BABAM2: variants seen among roughly 807,000 people sequenced by gnomAD.
BABAM2 encodes the protein BRISC and BRCA1-A complex member 2.
A neutral mutation model predicts 54.7 loss-of-function variants in BABAM2; 31 were observed. The ratio of observed to expected loss-of-function variants is 0.57; its 90% CI spans 0.43 to 0.77. The LOEUF (loss-of-function observed/expected upper bound fraction) is 0.77. Among genes scored for constraint, BABAM2 ranks in the 30% least tolerant of loss-of-function variants. The pLI, the probability that BABAM2 is intolerant of heterozygous loss-of-function variation, is 0.00. For synonymous variants in BABAM2, 167 were observed against 162.9 expected (o/e 1.03, Z -0.19); for missense variants, 364 against 455.8 (o/e 0.80, Z 1.83).
intron 7 of BABAM2, among the ~76,000 whole-genome samples, chr2:28,204,695 C>T (rs145588965): frequency 6.0e-4 from 92 of 152,170 alleles, no homozygotes; most frequent in African/African-American, 2.1e-3. Flanking sequence ...TTTAGCCAAC[C>T]TTTATTGAAT....
chr2:27,911,068 C>T (rs922717144), intron 2 of BABAM2, among the ~76,000 whole-genome samples: 2 of 152,258 alleles, frequency 1.3e-5, no homozygotes, highest in South Asian at 2.1e-4. Flanking sequence ...GCTGCCACCA[C>T]GTGAAGAAGG....
intron 10 of BABAM2, 103 bp from the exon 11 acceptor site, chr2:28,298,235 G>A: frequency 1.6e-6 from 2 of 1,240,950 alleles, no homozygotes; most frequent in Middle Eastern, 2.0e-4. Flanking sequence ...AGTATTTGTG[G>A]TTCAAATAGA....
intron 2 of BABAM2, among the ~76,000 whole-genome samples, chr2:27,907,409 A>G (rs1270717587): frequency 6.6e-6 from 1 of 151,888 alleles, no homozygotes; most frequent in Non-Finnish European, 1.5e-5. Flanking sequence ...ATTTTTTTTC[A>G]TCTGTGGACT....
chr2:28,300,250 A>T (rs897233282), intron 11 of BABAM2, among the ~76,000 whole-genome samples: 1 of 152,106 alleles, frequency 6.6e-6, no homozygotes, highest in Non-Finnish European at 1.5e-5. Flanking sequence ...GAGATTCTTA[A>T]ATAATGTCAG....
intron 3 of BABAM2, among the ~76,000 whole-genome samples, chr2:27,938,387 A>AAC (rs1668638237): frequency 6.6e-6 from 1 of 151,972 alleles, no homozygotes; most frequent in South Asian, 2.1e-4. Flanking sequence ...CAAACAGAAA[A>AAC]GGTCTTTGCC....
chr2:28,016,405 T>G (rs866480169), intron 4 of BABAM2: 2 of 1,408,296 alleles, frequency 1.4e-6, no homozygotes, highest in Admixed American at 1.7e-5. Context: ...TTTTTGGCCC[T>G]GAAGACTGGA....
chr2:28,110,715 A>G (rs1313298818), intron 6 of BABAM2, among the ~76,000 whole-genome samples: 6 of 152,148 alleles, frequency 3.9e-5, no homozygotes, highest in Admixed American at 3.9e-4. Flanking sequence ...ATTTTGGAGT[A>G]TCTATTCAGA....
At chr2:27,903,684 C>T (rs1665983193) in intron 2 of BABAM2, among the ~76,000 whole-genome samples, 1 of 152,118 alleles carries the variant, frequency 6.6e-6, no homozygotes, top group Non-Finnish European at 1.5e-5. Context: ...TGGTGTCTTC[C>T]ACCCACAAAT....
At chr2:28,267,268 G>A (rs960200144) in intron 10 of BABAM2, among the ~76,000 whole-genome samples, 1 of 152,074 alleles carries the variant, frequency 6.6e-6, no homozygotes, top group Non-Finnish European at 1.5e-5. Context: ...CAACAACCAG[G>A]ATAGGATACT....
At chr2:28,210,119 A>G (rs1224726612) in intron 7 of BABAM2, among the ~76,000 whole-genome samples, 1 of 152,084 alleles carries the variant, frequency 6.6e-6, no homozygotes, top group African/African-American at 2.4e-5. Context: ...CTTCCCTTAA[A>G]TCTTTTCATC....
chr2:28,185,605 G>T lies in BABAM2; in HGVS notation c.681-51597G>T, dbSNP rs114868597. Among the ~76,000 whole-genome samples, 1,209 of 152,134 alleles carry T rather than the reference G, an allele frequency of 7.9e-3. 9 individuals carry two copies. Among genetic ancestry groups the T allele is most frequent in the Admixed American group, 0.014 (210 of 15,276 alleles). On this transcript the variant is annotated intron_variant, in intron 7 of 11. Coordinates refer to ENST00000379624, the MANE Select transcript of BABAM2 (RefSeq NM_199191.3). ...ATTTTTTTGTATAAGTAATCCCCTT[G>T]GCCAGCGTCAGTGCATGAGATCTTA...
Position 28,236,823 on chromosome 2 carries a change from A to C in BABAM2, c.681-379A>C, listed in dbSNP as rs377358820. Among the ~76,000 whole-genome samples, 284 of 152,294 alleles carry C rather than the reference A, an allele frequency of 1.9e-3. 3 individuals are homozygous for C. Among genetic ancestry groups the C allele is most frequent in the African/African-American group, 6.6e-3 (273 of 41,568 alleles). On this transcript the variant is annotated intron_variant, in intron 7 of 11. Transcript: ENST00000379624. ...TAGAACTAGAGTGTTGCAGCAATTC[A>C]TTTTAGTTCAGTTTCAATGTTTAAT...
intron 1 of BABAM2, among the ~76,000 whole-genome samples, chr2:27,893,475 C>T (rs1665025581): frequency 6.6e-6 from 1 of 152,162 alleles, no homozygotes; most frequent in Non-Finnish European, 1.5e-5. Context: ...ATCTATTCCC[C>T]TACCAAATTC....
At chr2:28,108,403 G>C (rs910891911) in intron 6 of BABAM2, among the ~76,000 whole-genome samples, 1 of 152,074 alleles carries the variant, frequency 6.6e-6, no homozygotes, top group Non-Finnish European at 1.5e-5. Flanking sequence ...TTTATGCATC[G>C]TGAAATGTCA....
intron 3 of BABAM2, among the ~76,000 whole-genome samples, chr2:27,941,589 A>G (rs114496961): frequency 6.6e-6 from 1 of 152,160 alleles, no homozygotes; most frequent in African/African-American, 2.4e-5. Context: ...GTTGTTTATC[A>G]TCTGAGAGGA....
chr2:27,912,133 T>C (rs1212840326), intron 2 of BABAM2, among the ~76,000 whole-genome samples: 1 of 152,084 alleles, frequency 6.6e-6, no homozygotes, highest in Non-Finnish European at 1.5e-5. Flanking sequence ...ATTACTAGGG[T>C]ATGGAAAGGG....
At chr2:28,130,287 A>T (rs1379305768) in intron 7 of BABAM2, among the ~76,000 whole-genome samples, 1 of 152,166 alleles carries the variant, frequency 6.6e-6, no homozygotes, top group Non-Finnish European at 1.5e-5. Flanking sequence ...TAGTTGCTCT[A>T]ATTTATAAAT....
Position 28,298,481 on chromosome 2 carries a change from A to C in BABAM2, c.1078A>C (p.Lys360Gln). 1.9e-6 allele frequency: 3 copies of C among 1,614,150 alleles called. No individual in the cohort carries two copies. The highest frequency in any genetic ancestry group is 2.5e-6 in the Non-Finnish European group (3 of 1,180,008). Residue 360 changes from lysine to glutamine, a missense_variant, in exon 11 of 12, where the codon AAA (lysine) becomes CAA (glutamine). Physicochemically the swap from Lys to Gln is moderately conservative, Grantham distance 53. Transcript: ENST00000379624. ...CAGATGGGATGGAAATGAAATGGCC[A>C]AAAGAGCAAAGTAAGTGAATCTGTC... ...SPRWDGNEMAKRAKAYFKTFV... is the reference protein window; with the variant it reads ...SPRWDGNEMAQRAKAYFKTFV...
intron 6 of BABAM2, among the ~76,000 whole-genome samples, chr2:28,057,399 C>T (rs555199408): frequency 2.0e-5 from 3 of 152,272 alleles, no homozygotes; most frequent in South Asian, 4.1e-4. Context: ...TGAGGGAAGC[C>T]TTGCAACCTA....
Sources: gnomAD v4.1 joint callset for allele counts (sites outside exome capture counted in the v4.1 genomes callset) on GRCh38, gnomAD v4.1.1 for gene constraint, MANE v1.5 for transcripts, NCBI Gene and HGNC (gene_info 2026-07-23, HGNC 2026-07-21) for gene names.